The following GNAQ variants were observed in gnomAD, a reference collection of about 807,000 sequenced individuals.
The protein encoded by GNAQ is G protein subunit alpha q.
GNAQ carries 8 observed loss-of-function variants against 43.9 expected under a neutral mutation model. The ratio of observed to expected loss-of-function variants is 0.18; its 90% CI spans 0.11 to 0.33. The LOEUF (loss-of-function observed/expected upper bound fraction) is 0.33. GNAQ is among the 10% of genes least tolerant of loss of function. GNAQ has a pLI of 1.00. For missense variants in GNAQ, 158 were observed against 450.8 expected, an observed-to-expected ratio of 0.35 and a Z score of 5.88; for synonymous variants, 155 against 170.7, an observed-to-expected ratio of 0.91 and a Z score of 0.71.
intron 2 of GNAQ, among the ~76,000 whole-genome samples, chr9:77,843,849 T>C (rs1437174796): frequency 6.6e-6 from 1 of 152,166 alleles, no homozygotes; most frequent in African/African-American, 2.4e-5. Flanking sequence ...CTAAAGCCCA[T>C]TTGCAGTTCC....
intron 2 of GNAQ, among the ~76,000 whole-genome samples, chr9:77,870,185 T>C (rs1435722186): frequency 6.6e-6 from 1 of 152,218 alleles, no homozygotes; most frequent in African/African-American, 2.4e-5. Flanking sequence ...ATGGGAGCTT[T>C]ATCAGCTAAT....
At chr9:77,886,956 CA>C (rs67836669) in intron 2 of GNAQ, among the ~76,000 whole-genome samples, 81,348 of 137,480 alleles carry the variant, frequency 0.59, 24,749 homozygotes, top group South Asian at 0.72. Context: ...TAAAGAAATA[CA>C]AAAAAAAAAA....
rs180766711 is a variant in GNAQ, at chr9:77,922,925, G to A, written c.137-580C>T. ...GCTCACTACAGCCCTGAACTCCTGA[G>A]ATAAAGAAATCCCATCTGAGTCTCT... On this transcript the variant is annotated intron_variant, in intron 1 of 6. Transcript: ENST00000286548. Among the ~76,000 whole-genome samples the A allele has an allele frequency of 1.2e-3, 183 of 152,158 alleles. 2 individuals carry two copies. The highest frequency in any genetic ancestry group is 4.2e-3 in the African/African-American group (173 of 41,510).
intron 5 of GNAQ, among the ~76,000 whole-genome samples, chr9:77,789,524 T>G (rs1474088909): frequency 6.6e-6 from 1 of 152,194 alleles, no homozygotes; most frequent in Admixed American, 6.5e-5. Context: ...TTATTATTTC[T>G]AATGCTATTA....
At chr9:77,861,143 G>A (rs1250392108) in intron 2 of GNAQ, among the ~76,000 whole-genome samples, 1 of 152,158 alleles carries the variant, frequency 6.6e-6, no homozygotes, top group East Asian at 1.9e-4. Flanking sequence ...TGTCTTACAT[G>A]GATGGCAGCA....
intron 2 of GNAQ, among the ~76,000 whole-genome samples, chr9:77,913,222 A>C (rs960063175): frequency 7.2e-5 from 11 of 152,084 alleles, no homozygotes; most frequent in African/African-American, 2.7e-4. Flanking sequence ...TTCACCAAAG[A>C]CAGGTACAGG....
intron 2 of GNAQ, among the ~76,000 whole-genome samples, chr9:77,855,011 T>A (rs527447721): frequency 6.6e-6 from 1 of 152,222 alleles, no homozygotes; most frequent in African/African-American, 2.4e-5. Context: ...GATATTTTAC[T>A]GGTTACAACT....
intron 2 of GNAQ, among the ~76,000 whole-genome samples, chr9:77,871,782 C>T (rs1410492318): frequency 6.6e-6 from 1 of 152,056 alleles, no homozygotes; most frequent in Non-Finnish European, 1.5e-5. Flanking sequence ...AATTTTACTA[C>T]CTAAGTGGAC....
chr9:77,933,470 C>T (rs1234111739), intron 1 of GNAQ, among the ~76,000 whole-genome samples: 1 of 151,996 alleles, frequency 6.6e-6, no homozygotes, highest in African/African-American at 2.4e-5. Flanking sequence ...CATGTTGAAA[C>T]CCCATCTCTA....
intron 2 of GNAQ, among the ~76,000 whole-genome samples, chr9:77,910,589 T>A (rs1219384561): frequency 6.6e-6 from 1 of 152,110 alleles, no homozygotes; most frequent in African/African-American, 2.4e-5. Flanking sequence ...TAAAGCAGAG[T>A]TCGCTCATGT....
At chr9:77,858,515 GCT>G (rs1827795029) in intron 2 of GNAQ, among the ~76,000 whole-genome samples, 1 of 151,816 alleles carries the variant, frequency 6.6e-6, no homozygotes, top group Admixed American at 6.6e-5. Context: ...TCAATCTTCT[GCT>G]CTCAGTGGAC....
intron 2 of GNAQ, among the ~76,000 whole-genome samples, chr9:77,886,489 C>T (rs548352603): frequency 6.6e-6 from 1 of 151,468 alleles, no homozygotes; most frequent in South Asian, 2.1e-4. Context: ...AGAAAGAACG[C>T]CCCACAGACT....
At chr9:77,826,447 G>A (rs1238891692) in intron 2 of GNAQ, among the ~76,000 whole-genome samples, 2 of 152,120 alleles carry the variant, frequency 1.3e-5, no homozygotes, top group Non-Finnish European at 2.9e-5. Flanking sequence ...ACGTGCACCT[G>A]GGATCTTCTG....
intron 6 of GNAQ, among the ~76,000 whole-genome samples, chr9:77,727,243 C>A (rs2118212440): frequency 6.6e-6 from 1 of 152,188 alleles, no homozygotes; most frequent in Non-Finnish European, 1.5e-5. Context: ...GGCTTGAACT[C>A]CTGTGCTCAA....
At chr9:77,744,118 T>G (rs1424017646) in intron 5 of GNAQ, among the ~76,000 whole-genome samples, 1 of 152,208 alleles carries the variant, frequency 6.6e-6, no homozygotes, top group African/African-American at 2.4e-5. Context: ...TGCCATTCTC[T>G]TAGTGGTAGG....
At position 77,719,578 on chromosome 9, in the gene GNAQ, T is replaced by C. The variant is rs1239547891; in HGVS notation, c.*1745A>G. ...TGTTGTTCCAAAAGAGTGATTTATA[T>C]GGAAGTTTACACTAGTGCCAAATAC... is the stretch of plus-strand genomic sequence containing the variant. On this transcript the variant is annotated 3_prime_UTR_variant, in exon 7 of 7. Transcript: ENST00000286548. 2 of 232,712 alleles carry C rather than the reference T, an allele frequency of 8.6e-6. No homozygotes were observed. Among genetic ancestry groups the C allele is most frequent in the Admixed American group, 1.1e-4 (2 of 17,762 alleles). 14.4% of individuals were successfully genotyped at this position (232,712 alleles called of 1,614,324 possible). A position where few individuals can be genotyped will look rare whatever the true frequency, so the allele number is the denominator to read the frequency against.
intron 2 of GNAQ, among the ~76,000 whole-genome samples, chr9:77,915,433 G>GT (rs898510049): frequency 6.6e-6 from 1 of 152,012 alleles, no homozygotes; most frequent in Non-Finnish European, 1.5e-5. Flanking sequence ...TGGTCACATT[G>GT]TTTTTTTGTT....
At chr9:77,961,433 G>C (rs1041771953) in intron 1 of GNAQ, among the ~76,000 whole-genome samples, 1 of 152,142 alleles carries the variant, frequency 6.6e-6, no homozygotes, top group Non-Finnish European at 1.5e-5. Flanking sequence ...TGAACAGAGA[G>C]AAAGCTCTTG....
chr9:77,988,021 C>G (rs986928250), intron 1 of GNAQ, among the ~76,000 whole-genome samples: 1 of 152,162 alleles, frequency 6.6e-6, no homozygotes, highest in African/African-American at 2.4e-5. Context: ...TATGCTGATT[C>G]CTGGTGCGAA....
Sources: gnomAD v4.1 joint callset for allele counts (sites outside exome capture counted in the v4.1 genomes callset) on GRCh38, gnomAD v4.1.1 for gene constraint, MANE v1.5 for transcripts, NCBI Gene and HGNC (gene_info 2026-07-23, HGNC 2026-07-21) for gene names.